PALLD: variants seen among roughly 807,000 people sequenced by gnomAD.
PALLD encodes the protein palladin, cytoskeletal associated protein.
Under a neutral mutation model 123.5 loss-of-function variants are expected in PALLD, and 61 were observed. The ratio of observed to expected loss-of-function variants is 0.49; its 90% confidence interval spans 0.40 to 0.61. PALLD has a LOEUF of 0.61. PALLD is among the 20% of genes least tolerant of loss of function. PALLD has a pLI of 0.00. For synonymous variants in PALLD, 465 were observed against 496.4 expected, an observed-to-expected ratio of 0.94 and a Z score of 0.84; for missense variants, 1,273 against 1,377.0, an observed-to-expected ratio of 0.92 and a Z score of 1.20.
intron 10 of PALLD, among the ~76,000 whole-genome samples, chr4:168,801,882 A>AG (rs958041237): frequency 1.3e-5 from 2 of 152,220 alleles, no homozygotes; most frequent in African/African-American, 4.8e-5. Context: ...CTTCAGCCAG[A>AG]GGGTGAGAGT....
chr4:168,620,204 C>T (rs1471655404), intron 2 of PALLD, among the ~76,000 whole-genome samples: 1 of 152,210 alleles, frequency 6.6e-6, no homozygotes, highest in Non-Finnish European at 1.5e-5. Context: ...CGCCTGTAAT[C>T]CCAGCACTTT....
chr4:168,910,660 C>T (rs530886277), intron 15 of PALLD, among the ~76,000 whole-genome samples: 1 of 152,170 alleles, frequency 6.6e-6, no homozygotes, highest in South Asian at 2.1e-4. Context: ...CATAAGAACC[C>T]ATTAGGTATT....
intron 17 of PALLD, among the ~76,000 whole-genome samples, chr4:168,917,919 G>T (rs974933315): frequency 6.6e-6 from 1 of 152,060 alleles, no homozygotes; most frequent in African/African-American, 2.4e-5. Context: ...TGAAATCAGA[G>T]GCTGGGCACA....
intron 8 of PALLD, among the ~76,000 whole-genome samples, chr4:168,699,801 GT>G (rs1783499696): frequency 6.6e-6 from 1 of 152,114 alleles, no homozygotes; most frequent in African/African-American, 2.4e-5. Context: ...TTCTGATTTA[GT>G]AATTTATTAA....
At chr4:168,497,914 C>T (rs1426444157) in intron 1 of PALLD, among the ~76,000 whole-genome samples, 1 of 152,122 alleles carries the variant, frequency 6.6e-6, no homozygotes, top group Non-Finnish European at 1.5e-5. Context: ...TGATTTCAGG[C>T]TCATATTACT....
intron 2 of PALLD, among the ~76,000 whole-genome samples, chr4:168,550,255 G>C (rs1406117894): frequency 6.7e-6 from 1 of 149,570 alleles, no homozygotes; most frequent in Non-Finnish European, 1.5e-5. Flanking sequence ...ACTTTACTTT[G>C]TCTGAGTCAG....
chr4:168,685,025 C>G (rs1781894731), intron 5 of PALLD, among the ~76,000 whole-genome samples: 1 of 152,078 alleles, frequency 6.6e-6, no homozygotes, highest in Non-Finnish European at 1.5e-5. Context: ...CTCTCCTTTC[C>G]CATAATCCCT....
At chr4:168,879,212 T>C (rs1752279525) in intron 10 of PALLD, among the ~76,000 whole-genome samples, 1 of 152,178 alleles carries the variant, frequency 6.6e-6, no homozygotes, top group Non-Finnish European at 1.5e-5. Flanking sequence ...AGTGATGATG[T>C]GGCAGCCCTA....
At chr4:168,831,999 G>C in intron 10 of PALLD, 6 of 985,420 alleles carry the variant, frequency 6.1e-6, no homozygotes, top group Non-Finnish European at 7.2e-6. Context: ...CCGCGCCGCC[G>C]GACTCTTATT....
chr4:168,805,073 G>A lies in PALLD; in HGVS notation c.1965-85849G>A, dbSNP rs145104157. ...CTCAGGAGGCCGAGACAGGAGAATC[G>A]TTTAAACCCGGGAGACGGAGGTTGC... On this transcript the variant is annotated intron_variant, in intron 10 of 21. Coordinates refer to ENST00000505667, the MANE Select transcript of PALLD (RefSeq NM_001166108.2). Among the ~76,000 whole-genome samples the A allele has an allele frequency of 4.8e-3, 732 of 151,792 alleles. 12 individuals are homozygous for A. Among genetic ancestry groups the A allele is most frequent in the East Asian group, 4.1e-3 (21 of 5,142 alleles).
chr4:168,815,239 T>C (rs1188629052), intron 10 of PALLD, among the ~76,000 whole-genome samples: 1 of 152,250 alleles, frequency 6.6e-6, no homozygotes, highest in Non-Finnish European at 1.5e-5. Flanking sequence ...AGCATCATTT[T>C]CTTTTAGCAG....
chr4:168,533,481 C>T (rs1356285704), intron 2 of PALLD, among the ~76,000 whole-genome samples: 2 of 152,130 alleles, frequency 1.3e-5, no homozygotes, highest in East Asian at 1.9e-4. Flanking sequence ...GTGATTCCTA[C>T]AAGTCTGAAT....
rs767988407 is a variant in PALLD, at chr4:168,878,376, C to T, written c.1965-12546C>T. ...GCGGCCGTCAACGCCCTGGGGCTGC[C>T]CAAGGGTGTCACCCCCGCGTGAGTA... On this transcript the variant is annotated intron_variant, in intron 10 of 21. Transcript: ENST00000505667. 4.0e-6 allele frequency: 6 copies of T among 1,507,776 alleles called. No homozygotes were observed. The South Asian group carries it at 6.2e-5, about 16-fold the overall frequency. The allele number at this position is 1,507,776 out of a possible 1,614,324, so 93.4% of individuals were successfully genotyped here. A position where few individuals can be genotyped will look rare whatever the true frequency, so the allele number is the denominator to read the frequency against.
chr4:168,564,066 C>G (rs1768120230), intron 2 of PALLD, among the ~76,000 whole-genome samples: 1 of 152,162 alleles, frequency 6.6e-6, no homozygotes. Context: ...GAAAATCTCT[C>G]TGGGCTTCAT....
At chr4:168,595,462 A>T (rs1771886673) in intron 2 of PALLD, among the ~76,000 whole-genome samples, 1 of 152,158 alleles carries the variant, frequency 6.6e-6, no homozygotes, top group Non-Finnish European at 1.5e-5. Flanking sequence ...ATAAATGCTT[A>T]AAAGACTTTG....
rs905501341 is a variant in PALLD at position 168,565,355 on chromosome 4, C to T, written c.908+52943C>T. Among the ~76,000 whole-genome samples, 7 of 152,224 alleles carry T rather than the reference C, an allele frequency of 4.6e-5. No homozygotes were observed. The East Asian group carries it at 5.8e-4, about 13-fold the overall frequency. The stretch of plus-strand genomic sequence containing the variant: ...ATATTTAGAGACCATTCCATGCTCT[C>T]GGCACAAGTAATTACACATGTGATG... On this transcript the variant is annotated intron_variant, in intron 2 of 21. Transcript: ENST00000505667.
At chr4:168,575,975 G>A (rs56200740) in intron 2 of PALLD, among the ~76,000 whole-genome samples, 14,523 of 152,020 alleles carry the variant, frequency 0.096, 906 homozygotes, top group South Asian at 0.18. Context: ...GGAGCTCCAG[G>A]TATTTCTATT....
intron 10 of PALLD, among the ~76,000 whole-genome samples, chr4:168,843,427 T>C (rs1746338505): frequency 6.6e-6 from 1 of 152,208 alleles, no homozygotes; most frequent in African/African-American, 2.4e-5. Context: ...TTTCAGATAG[T>C]TCTTGGACAT....
intron 10 of PALLD, among the ~76,000 whole-genome samples, chr4:168,769,734 G>A (rs1175679346): frequency 1.3e-5 from 2 of 152,202 alleles, no homozygotes; most frequent in African/African-American, 4.8e-5. Context: ...ATCTCAAGGA[G>A]AGCAGGAAAA....
Sources: allele counts gnomAD v4.1 joint callset (sites outside exome capture counted in the v4.1 genomes callset), GRCh38; gene constraint gnomAD v4.1.1; transcripts MANE v1.5; gene names NCBI Gene and HGNC (gene_info 2026-07-23, HGNC 2026-07-21).